SCHIP1: variants seen among roughly 807,000 people sequenced by gnomAD.
SCHIP1 encodes the protein schwannomin interacting protein 1.
In SCHIP1, 8 loss-of-function variants were observed where a neutral mutation model predicts 29.7. The ratio of observed to expected loss-of-function variants is 0.27; its 90% CI spans 0.16 to 0.49. The LOEUF is 0.49. Among genes scored for constraint, SCHIP1 ranks in the 20% least tolerant of loss-of-function variants. The pLI is 0.99. For synonymous variants in SCHIP1, 76 were observed against 94.9 expected (o/e 0.80, Z 1.16); for missense variants, 193 against 294.6 (o/e 0.66, Z 2.52).
At chr3:159,383,630 T>G in the SCHIP1 span, among the ~76,000 whole-genome samples, 9 of 124,372 alleles carry the variant, frequency 7.2e-5, no homozygotes, top group South Asian at 1.0e-3. Context: ...AGTAGTTTTT[T>G]CCAATTCTGT....
At chr3:159,509,837 T>G in the SCHIP1 span, among the ~76,000 whole-genome samples, 37 of 152,276 alleles carry the variant, frequency 2.4e-4, no homozygotes, top group East Asian at 7.7e-4. Context: ...TGAGAGATCC[T>G]CTGTTAGTCT....
At chr3:159,621,672 G>GT in the SCHIP1 span, among the ~76,000 whole-genome samples, 16,026 of 147,152 alleles carry the variant, frequency 0.11, 2,222 homozygotes, top group African/African-American at 0.32. Flanking sequence ...TTTGTTCTTT[G>GT]TTTTTTTTTT....
the SCHIP1 span, among the ~76,000 whole-genome samples, chr3:159,738,792 G>T: frequency 6.6e-6 from 1 of 152,204 alleles, no homozygotes; most frequent in Non-Finnish European, 1.5e-5. Flanking sequence ...GAAACTGTGT[G>T]TATTTGTGTG....
intron 2 of SCHIP1, among the ~76,000 whole-genome samples, chr3:159,872,087 TA>T (rs893295685): frequency 1.3e-5 from 2 of 152,202 alleles, no homozygotes; most frequent in Non-Finnish European, 2.9e-5. Context: ...TATTATCTTC[TA>T]AAATTTCATC....
chr3:159,749,573 G>A, the SCHIP1 span, among the ~76,000 whole-genome samples: 7 of 152,108 alleles, frequency 4.6e-5, no homozygotes, highest in African/African-American at 1.7e-4. Context: ...GGCATTGTGT[G>A]CAACATTCCT....
the SCHIP1 span, among the ~76,000 whole-genome samples, chr3:159,537,624 G>C: frequency 6.6e-6 from 1 of 151,972 alleles, no homozygotes; most frequent in African/African-American, 2.4e-5. Flanking sequence ...TAAACTTTCT[G>C]GTCTGAATAA....
the SCHIP1 span, among the ~76,000 whole-genome samples, chr3:159,794,537 G>A: frequency 6.6e-6 from 1 of 152,142 alleles, no homozygotes; most frequent in Non-Finnish European, 1.5e-5. Context: ...AATTTTGTGT[G>A]TTAGACCCCC....
At chr3:159,287,418 T>A in the SCHIP1 span, among the ~76,000 whole-genome samples, 1 of 152,126 alleles carries the variant, frequency 6.6e-6, no homozygotes, top group East Asian at 1.9e-4. Context: ...GGTATAAAAC[T>A]GTTGACTCTT....
the SCHIP1 span, among the ~76,000 whole-genome samples, chr3:159,602,749 C>A: frequency 6.6e-6 from 1 of 151,798 alleles, no homozygotes; most frequent in African/African-American, 2.4e-5. Flanking sequence ...AAACATCAGC[C>A]CAAGGTTTGG....
chr3:159,698,424 T>C, the SCHIP1 span, among the ~76,000 whole-genome samples: 1 of 152,198 alleles, frequency 6.6e-6, no homozygotes, highest in African/African-American at 2.4e-5. Context: ...TTTTGGCATG[T>C]AGTCCATCAT....
chr3:159,802,413 G>C, the SCHIP1 span, among the ~76,000 whole-genome samples: 1 of 152,346 alleles, frequency 6.6e-6, no homozygotes, highest in African/African-American at 2.4e-5. Flanking sequence ...TTTAAGAGGT[G>C]TGTGTCACTT....
At chr3:159,303,382 G>C in the SCHIP1 span, among the ~76,000 whole-genome samples, 1 of 151,848 alleles carries the variant, frequency 6.6e-6, no homozygotes, top group Non-Finnish European at 1.5e-5. Flanking sequence ...GTAAGTTTTA[G>C]GGAAAAGGTT....
chr3:159,612,357 A>G, the SCHIP1 span, among the ~76,000 whole-genome samples: 1 of 152,238 alleles, frequency 6.6e-6, no homozygotes, highest in Non-Finnish European at 1.5e-5. Flanking sequence ...AAAATTAATC[A>G]GGAAATTAAA....
rs760608917 is a variant in SCHIP1, at chr3:159,886,194, T to G, written c.150-13T>G. 3.1e-6 allele frequency: 5 copies of G among 1,613,892 alleles called. No homozygotes were observed. The highest frequency in any genetic ancestry group is 4.2e-6 in the Non-Finnish European group (5 of 1,179,784). ...AGCTAAGTAGAACTAGTGTCCTGTTTGTTTCTGCCCAGACTGCAGAGTGGG... is the reference window on the plus strand; with the variant it reads ...AGCTAAGTAGAACTAGTGTCCTGTTGGTTTCTGCCCAGACTGCAGAGTGGG... On this transcript the variant is annotated splice_polypyrimidine_tract_variant and intron_variant, in intron 2 of 6. Coordinates refer to ENST00000445224, the Ensembl canonical transcript of SCHIP1.
chr3:159,575,751 C>T, the SCHIP1 span, among the ~76,000 whole-genome samples: 1 of 152,006 alleles, frequency 6.6e-6, no homozygotes, highest in Non-Finnish European at 1.5e-5. Flanking sequence ...TTTTTAATTA[C>T]CTTTAAAATG....
chr3:159,814,057 T>C, the SCHIP1 span, among the ~76,000 whole-genome samples: 1 of 152,212 alleles, frequency 6.6e-6, no homozygotes, highest in Non-Finnish European at 1.5e-5. Context: ...GACTTCCTTC[T>C]TCAGCTGCTG....
the SCHIP1 span, among the ~76,000 whole-genome samples, chr3:159,533,953 A>G: frequency 6.6e-6 from 1 of 152,194 alleles, no homozygotes; most frequent in Non-Finnish European, 1.5e-5. Context: ...CTGGACTTGG[A>G]AAGTCCAACC....
chr3:159,591,125 C>G, the SCHIP1 span, among the ~76,000 whole-genome samples: 1 of 152,200 alleles, frequency 6.6e-6, no homozygotes, highest in African/African-American at 2.4e-5. Context: ...AAATGATATT[C>G]TGAACTTTCG....
the SCHIP1 span, among the ~76,000 whole-genome samples, chr3:159,300,007 G>A: frequency 6.6e-6 from 1 of 151,568 alleles, no homozygotes; most frequent in Non-Finnish European, 1.5e-5. Context: ...AGGGGCCTCA[G>A]AAGGTGACTG....
Sources: allele counts gnomAD v4.1 joint callset (sites outside exome capture counted in the v4.1 genomes callset), GRCh38; gene constraint gnomAD v4.1.1; transcripts MANE v1.5; gene names NCBI Gene and HGNC (gene_info 2026-07-23, HGNC 2026-07-21).